The following EIF3B variants were observed in gnomAD, a reference collection of about 807,000 sequenced individuals.
EIF3B encodes eukaryotic translation initiation factor 3 subunit 9.
EIF3B carries 10 observed loss-of-function variants against 104.6 expected under a neutral mutation model. That is an observed-to-expected ratio of 0.10 (90% CI 0.06 to 0.16). The LOEUF (loss-of-function observed/expected upper bound fraction) is 0.16, where lower values mean the gene tolerates loss of function less well. Ranked by LOEUF, EIF3B falls within the 10% of genes least tolerant of loss-of-function variation. The pLI, the probability that EIF3B is intolerant of heterozygous loss-of-function variation, is 1.00. For missense variants in EIF3B, 1,014 were observed against 1,087.9 expected (o/e 0.93, Z 0.96); for synonymous variants, 542 against 417.2 (o/e 1.30, Z -3.65).
chr7:2,356,307 C>T (rs1779433379), intron 1 of EIF3B, among the ~76,000 whole-genome samples: 1 of 152,118 alleles, frequency 6.6e-6, no homozygotes, highest in Admixed American at 6.6e-5. Context: ...ATGATTTAAA[C>T]GTATTTTTAA....
chr7:2,372,829 G>C, intron 12 of EIF3B, 34 bp downstream of exon 12: 1 of 1,605,932 alleles, frequency 6.2e-7, no homozygotes, highest in Non-Finnish European at 8.5e-7. Context: ...CTTCTGAGTA[G>C]GTCAGCACAG....
chr7:2,363,688 T>C lies in EIF3B; in HGVS notation c.927T>C (p.Ile309=), dbSNP rs143894408. ...AATGCAGAGATCAGTACAGTGTGATTTTTGAGAGTGGAGACCGCACTTCCA... is the reference window on the plus strand; with the variant it reads ...AATGCAGAGATCAGTACAGTGTGATCTTTGAGAGTGGAGACCGCACTTCCA... The part of the protein sequence containing the change: ...EAECRDQYSV[I]FESGDRTSIF... Residue 309 remains isoleucine (I), a synonymous_variant, in exon 5 of 19, where the codon ATT becomes ATC. Transcript: ENST00000360876. 6.2e-7 allele frequency: 1 copy of C among 1,614,144 alleles called. No homozygotes were observed. The highest frequency in any genetic ancestry group is 1.3e-5 in the African/African-American group (1 of 75,040).
chr7:2,356,384 G>A (rs776325138), intron 1 of EIF3B, among the ~76,000 whole-genome samples: 7 of 141,030 alleles, frequency 5.0e-5, no homozygotes, highest in African/African-American at 1.7e-4. Context: ...AGGCCGAGAC[G>A]GGTGGATCAC....
chr7:2,355,264 G>C lies in EIF3B; in HGVS notation c.343G>C (p.Glu115Gln). The C allele has an allele frequency of 2.0e-6, 3 of 1,531,214 alleles. No homozygotes were observed. Among genetic ancestry groups the C allele is most frequent in the African/African-American group, 2.8e-5 (2 of 72,326 alleles). The allele number at this position is 1,531,214 out of a possible 1,614,324, so 94.9% of individuals were successfully genotyped here. ...GEAPGEQARD[E>Q]RSDSRAQAVS... ...GGCCCCAGGAGAGCAGGCTCGGGAC[G>C]AGCGCTCCGACAGCCGGGCCCAGGC... The change falls in exon 1 of 19, where the codon GAG becomes CAG. Residue 115 changes from glutamate to glutamine, a missense_variant. Glu to Gln is a conservative substitution (Grantham distance 29, BLOSUM62 2). This residue lies in a region of EIF3B where 488 missense variants were observed against 404.3 expected (regional missense o/e 1.21). Coordinates refer to ENST00000360876, the MANE Select transcript of EIF3B (RefSeq NM_001037283.2).
Position 2,364,360 on chromosome 7 carries a change from CT to C in EIF3B, c.1000-7del. On this transcript the variant is annotated splice_polypyrimidine_tract_variant and intron_variant, in intron 5 of 18. Coordinates refer to ENST00000360876, the MANE Select transcript of EIF3B (RefSeq NM_001037283.2). The stretch of plus-strand genomic sequence containing the variant: ...TTTGTTGTATTAACGTTGGCACTGC[CT>C]TTTTCTGCAGAGATGGACAGAGACG... 1 of 1,575,494 alleles carries C rather than the reference CT, an allele frequency of 6.3e-7. No homozygotes were observed. Among genetic ancestry groups the C allele is most frequent in the South Asian group, 1.2e-5 (1 of 82,170 alleles).
At chr7:2,380,070 G>A in intron 18 of EIF3B, 134 bp from the exon 19 acceptor site, 1 of 300,818 alleles carries the variant, frequency 3.3e-6, no homozygotes, top group East Asian at 1.0e-4. Context: ...AGTAGGGGTG[G>A]CACACGGGCT....
chr7:2,355,904 C>T (rs1235992453), intron 1 of EIF3B, among the ~76,000 whole-genome samples: 1 of 152,238 alleles, frequency 6.6e-6, no homozygotes, highest in East Asian at 1.9e-4. Flanking sequence ...AATTGTCCAT[C>T]TCCAGAGACT....
rs1466881549 is a variant in EIF3B, at chr7:2,362,750, T to C, written c.798T>C (p.Phe266=). ...AGCACACATTCCGGGTCAACCTCTTTACGGATTTTGACAAGTGAGTTCAGA... is the reference window on the plus strand; with the variant it reads ...AGCACACATTCCGGGTCAACCTCTTCACGGATTTTGACAAGTGAGTTCAGA... ...DKQHTFRVNL[F]TDFDKYMTIS... The change falls in exon 3 of 19, where the codon TTT becomes TTC. Residue 266 remains phenylalanine, a synonymous_variant. Coordinates refer to ENST00000360876, the MANE Select transcript of EIF3B (RefSeq NM_001037283.2). The C allele has an allele frequency of 3.7e-6, 6 of 1,613,990 alleles. No homozygotes were observed. The highest frequency in any genetic ancestry group is 1.6e-4 in the Middle Eastern group (1 of 6,084).
chr7:2,364,904 C>T lies in EIF3B; in HGVS notation c.1157+375C>T, dbSNP rs76560341. ...TTTTGTTACTTGACCTAATAATGTT[C>T]TGTATAATACTTACTTTCCTTCAGT... On this transcript the variant is annotated intron_variant, in intron 6 of 18. Transcript: ENST00000360876. Among the ~76,000 whole-genome samples the T allele has an allele frequency of 8.5e-3, 1,295 of 152,316 alleles. 5 individuals carry two copies. Among genetic ancestry groups the T allele is most frequent in the Non-Finnish European group, 0.012 (806 of 68,028 alleles).
chr7:2,379,298 C>A, intron 17 of EIF3B, 56 bp downstream of exon 17: 1 of 1,565,958 alleles, frequency 6.4e-7, no homozygotes, highest in South Asian at 1.1e-5. Context: ...CCCCTGGGCC[C>A]TGGTGCCCGC....
intron 12 of EIF3B, chr7:2,373,030 A>G (rs1206196133): frequency 1.1e-5 from 4 of 356,220 alleles, no homozygotes; most frequent in Non-Finnish European, 2.0e-5. Context: ...GAGTATTTCC[A>G]AGGCTTCCAT....
In EIF3B at chr7:2,355,112, C is replaced by G. The variant is rs1779324488; in HGVS notation, c.191C>G (p.Ser64Cys). 7.3e-7 allele frequency: 1 copy of G among 1,371,118 alleles called. No homozygotes were observed. Among genetic ancestry groups the G allele is most frequent in the Non-Finnish European group, 9.4e-7 (1 of 1,068,988 alleles). The allele number at this position is 1,371,118 out of a possible 1,614,324, so 84.9% of individuals were successfully genotyped here. A position where few individuals can be genotyped will look rare whatever the true frequency, so the allele number is the denominator to read the frequency against. Reference protein sequence around the residue: ...EVGIAEAGPESEVRTEPAAEA... With the variant: ...EVGIAEAGPECEVRTEPAAEA... ...GGGATCGCGGAGGCCGGGCCGGAGT[C>G]CGAGGTGAGGACCGAGCCGGCGGCC... The change falls in exon 1 of 19, where the codon TCC (serine) becomes TGC (cysteine). Residue 64 changes from serine (S) to cysteine (C), a missense_variant. By Grantham distance (112) the Ser-to-Cys change is moderately radical. Transcript: ENST00000360876.
intron 2 of EIF3B, 111 bp downstream of exon 2, chr7:2,361,013 C>T (rs887655446): frequency 6.7e-5 from 54 of 800,862 alleles, no homozygotes; most frequent in South Asian, 4.5e-4. Context: ...GGCACGTGGG[C>T]CGTTCACTTC....
intron 4 of EIF3B, 82 bp downstream of exon 4, chr7:2,363,209 T>G: frequency 1.4e-6 from 2 of 1,395,172 alleles, no homozygotes; most frequent in Non-Finnish European, 1.0e-6. Context: ...TCCCAGCACT[T>G]AGGGAGGCTG....
intron 1 of EIF3B, among the ~76,000 whole-genome samples, chr7:2,357,780 C>T (rs1428668046): frequency 6.6e-6 from 1 of 152,190 alleles, no homozygotes; most frequent in African/African-American, 2.4e-5. Context: ...GTAGTTACTT[C>T]ATTTATTTCC....
intron 10 of EIF3B, 26 bp downstream of exon 10, chr7:2,369,708 C>G: frequency 1.3e-6 from 2 of 1,596,720 alleles, no homozygotes; most frequent in Non-Finnish European, 1.7e-6. Flanking sequence ...CAGGAACTGA[C>G]GATTCCTTAT....
intron 11 of EIF3B, 200 bp downstream of exon 11, chr7:2,372,049 T>TA (rs1780371684): frequency 1.6e-5 from 9 of 549,882 alleles, no homozygotes; most frequent in East Asian, 3.0e-5. Context: ...AAAAAACAAA[T>TA]AAAAAAAATT....
At position 2,370,779 on chromosome 7, in the gene EIF3B, A is replaced by G. The variant is rs970785553; in HGVS notation, c.1615-998A>G. 5.9e-5 allele frequency among the ~76,000 whole-genome samples: 9 copies of G among 152,194 alleles called. 1 individual carries two copies. In the South Asian group the frequency reaches 1.2e-3, roughly 21 times the overall value. ...GACCCCATCTCCACAGATAATTTTT[A>G]AAAGATAGGAAAAAGGCCGGGCACG... On this transcript the variant is annotated intron_variant, in intron 10 of 18. Transcript: ENST00000360876.
At chr7:2,354,595 G>A (rs1283990766), upstream of EIF3B, among the ~76,000 whole-genome samples, 3 of 152,178 alleles carry the variant, frequency 2.0e-5, no homozygotes, top group Non-Finnish European at 4.4e-5. Context: ...CATGTTGGAC[G>A]GAACCATCTG....
Sources: gnomAD v4.1 joint callset for allele counts (sites outside exome capture counted in the v4.1 genomes callset) on GRCh38, gnomAD v4.1.1 for gene constraint, gnomAD v4.1.1 regional missense constraint, MANE v1.5 for transcripts, NCBI Gene and HGNC (gene_info 2026-07-23, HGNC 2026-07-21) for gene names.